Variants in SWAP70 observed in about 807,000 individuals in gnomAD.
SWAP70 encodes switching B cell complex subunit SWAP70, also known as switch-associated protein 70.
In SWAP70, 34 loss-of-function variants were observed where a neutral mutation model predicts 80.2. That is an observed-to-expected ratio of 0.42 (90% confidence interval 0.32 to 0.56). The LOEUF is 0.56. Among genes scored for constraint, SWAP70 ranks in the 20% least tolerant of loss-of-function variants. The probability of loss-of-function intolerance (pLI) is 0.09; values close to 1 mark genes in which losing one functional copy is unlikely to be tolerated. For synonymous variants in SWAP70, 239 were observed against 238.5 expected (o/e 1.00, Z -0.02); for missense variants, 578 against 690.7 (o/e 0.84, Z 1.83).
intron 8 of SWAP70, among the ~76,000 whole-genome samples, chr11:9,738,671 A>G (rs961736685): frequency 5.2e-5 from 7 of 135,210 alleles, no homozygotes; most frequent in Non-Finnish European, 7.8e-5. Context: ...GTTCAAGACC[A>G]GCCTGGGCAA....
At chr11:9,719,746 G>A (rs1348498962) in intron 3 of SWAP70, among the ~76,000 whole-genome samples, 1 of 152,134 alleles carries the variant, frequency 6.6e-6, no homozygotes, top group African/African-American at 2.4e-5. Flanking sequence ...GCCAAGTACA[G>A]TTTTTATTTA....
chr11:9,737,524 T>C lies in SWAP70; in HGVS notation c.1081-689T>C, dbSNP rs1196671755. On this transcript the variant is annotated intron_variant, in intron 7 of 11. Transcript: ENST00000318950. ...GCTCCTTATGCCACCCTTCTAGAAA[T>C]TGGTTCTGGTAAAAGTTATAATGAA... Among the ~76,000 whole-genome samples, 3 of 152,160 alleles carry C rather than the reference T, an allele frequency of 2.0e-5. No individual in the cohort carries two copies. The South Asian group carries it at 6.2e-4, about 32-fold the overall frequency.
intron 2 of SWAP70, among the ~76,000 whole-genome samples, chr11:9,702,413 T>G (rs1170364672): frequency 1.7e-5 from 1 of 59,884 alleles, no homozygotes; most frequent in Admixed American, 1.3e-4. Flanking sequence ...TTTGTTTTGT[T>G]TTTTTTTTTG....
At chr11:9,671,675 A>AAAATATATAAATATATTTCTATGTATAC (rs1850401206) in intron 1 of SWAP70, among the ~76,000 whole-genome samples, 1 of 10,366 alleles carries the variant, frequency 9.6e-5, no homozygotes, top group Non-Finnish European at 1.8e-4. Flanking sequence ...AATATATATA[A>AAAATATATAAATATATTTCTATGTATAC]ATAGAAATAT....
chr11:9,713,775 C>T lies in SWAP70; in HGVS notation c.414+136C>T, dbSNP rs1187481996. The T allele has an allele frequency of 5.9e-6, 6 of 1,021,410 alleles. No homozygotes were observed. The East Asian group carries it at 1.5e-4, about 25-fold the overall frequency. The allele number at this position is 1,021,410 out of a possible 1,614,324, so 63.3% of individuals were successfully genotyped here. A position where few individuals can be genotyped will look rare whatever the true frequency, so the allele number is the denominator to read the frequency against. ...TGTTTTTGGATCAGAGGCAAAGCAG[C>T]CTGAGTATAGAAAAGCTCCAAATAT... On this transcript the variant is annotated intron_variant, in intron 3 of 11. Coordinates refer to ENST00000318950, the MANE Select transcript of SWAP70 (RefSeq NM_015055.4).
intron 1 of SWAP70, among the ~76,000 whole-genome samples, chr11:9,672,607 C>T (rs532378890): frequency 7.1e-6 from 1 of 140,614 alleles, no homozygotes; most frequent in Non-Finnish European, 1.5e-5. Flanking sequence ...CTCCTGGGCT[C>T]AAGCAGTCCA....
chr11:9,712,780 C>A (rs1851015360), intron 2 of SWAP70, among the ~76,000 whole-genome samples: 2 of 149,892 alleles, frequency 1.3e-5, no homozygotes, highest in South Asian at 2.1e-4. Context: ...CTCTTGTTGC[C>A]CAGGCTGGAG....
At chr11:9,708,102 T>C (rs1346881435) in intron 2 of SWAP70, among the ~76,000 whole-genome samples, 2 of 152,196 alleles carry the variant, frequency 1.3e-5, no homozygotes, top group African/African-American at 4.8e-5. Context: ...GTAGTGGGTA[T>C]AGGTGTGCAA....
intron 1 of SWAP70, among the ~76,000 whole-genome samples, chr11:9,672,037 T>A (rs1590008233): frequency 8.2e-6 from 1 of 122,698 alleles, no homozygotes; most frequent in Non-Finnish European, 1.6e-5. Context: ...ATTTTAATAA[T>A]ATATTTTATA....
chr11:9,745,065 A>G (rs1851494858), intron 9 of SWAP70, among the ~76,000 whole-genome samples: 1 of 152,258 alleles, frequency 6.6e-6, no homozygotes, highest in African/African-American at 2.4e-5. Flanking sequence ...TACCCAGGGA[A>G]ATTTTTTTGA....
chr11:9,720,997 G>C (rs957139122), intron 3 of SWAP70, among the ~76,000 whole-genome samples: 1 of 152,024 alleles, frequency 6.6e-6, no homozygotes, highest in African/African-American at 2.4e-5. Flanking sequence ...TGTATTTTTA[G>C]TAGAGATGGA....
intron 2 of SWAP70, among the ~76,000 whole-genome samples, chr11:9,699,042 G>A (rs955511435): frequency 6.6e-6 from 1 of 152,046 alleles, no homozygotes; most frequent in African/African-American, 2.4e-5. Flanking sequence ...GATAATGAAA[G>A]GTAAGATTTA....
At chr11:9,671,675 A>C (rs369842612) in intron 1 of SWAP70, among the ~76,000 whole-genome samples, 1,006 of 10,256 alleles carry the variant, frequency 0.098, 37 homozygotes, top group Non-Finnish European at 0.14. Flanking sequence ...AATATATATA[A>C]ATAGAAATAT....
intron 3 of SWAP70, among the ~76,000 whole-genome samples, chr11:9,715,541 A>C (rs930742455): frequency 6.6e-6 from 1 of 152,182 alleles, no homozygotes; most frequent in Non-Finnish European, 1.5e-5. Context: ...AGACTGGGCA[A>C]TTTATATAAG....
intron 1 of SWAP70, among the ~76,000 whole-genome samples, chr11:9,670,478 A>T (rs1460386708): frequency 1.3e-5 from 2 of 151,886 alleles, no homozygotes; most frequent in Non-Finnish European, 2.9e-5. Flanking sequence ...GAGGTCCTTG[A>T]TGGGTGTATG....
rs1229263213 is a variant in SWAP70 at position 9,732,706 on chromosome 11, G to A, written c.1076G>A (p.Arg359Gln). The A allele has an allele frequency of 1.9e-6, 3 of 1,546,374 alleles. No individual in the cohort carries two copies. Among genetic ancestry groups the A allele is most frequent in the Non-Finnish European group, 1.7e-6 (2 of 1,145,902 alleles). The change falls in exon 7 of 12, where the codon CGG becomes CAG. Residue 359 changes from arginine to glutamine, a missense_variant. Arg to Gln is a conservative substitution (Grantham distance 43, BLOSUM62 1). Transcript: ENST00000318950. The part of the protein sequence containing the change: ...ESKQQELEAV[R>Q]KKLEEAASRA... The stretch of plus-strand genomic sequence containing the variant: ...AAGCAGCAGGAGCTGGAGGCCGTGC[G>A]GAAGGTGGGAATGGGCGCTGGGCTG...
chr11:9,686,376 T>TTATTTATTTTG, intron 1 of SWAP70, among the ~76,000 whole-genome samples: 1 of 152,048 alleles, frequency 6.6e-6, no homozygotes, highest in Non-Finnish European at 1.5e-5. Context: ...TATTTATTTT[T>TTATTTATTTTG]GTGAGACAGG....
In SWAP70 at chr11:9,671,953, TATA is replaced by T. The variant is rs1469694706; in HGVS notation, c.99+7679_99+7681del. 1.1e-4 allele frequency among the ~76,000 whole-genome samples: 12 copies of T among 112,212 alleles called. No homozygotes were observed. In the East Asian group the frequency reaches 3.1e-3, roughly 29 times the overall value. 73.6% of individuals were successfully genotyped at this position (112,212 alleles called of 152,430 possible). The stretch of plus-strand genomic sequence containing the variant: ...ATATTTTATAATATATTTTATAATA[TATA>T]ATATATTTTATATGTTATATATTTT... On this transcript the variant is annotated intron_variant, in intron 1 of 11. Transcript: ENST00000318950.
At chr11:9,714,807 ATTTTTTTTTT>A (rs71034737) in intron 3 of SWAP70, among the ~76,000 whole-genome samples, 15 of 127,712 alleles carry the variant, frequency 1.2e-4, no homozygotes, top group Non-Finnish European at 8.0e-5. Flanking sequence ...CCAAAAGGGG[ATTTTTTTTTT>A]TTTTTTTTTT....
Sources: gnomAD v4.1 joint callset for allele counts (sites outside exome capture counted in the v4.1 genomes callset) on GRCh38, gnomAD v4.1.1 for gene constraint, MANE v1.5 for transcripts, NCBI Gene and HGNC (gene_info 2026-07-23, HGNC 2026-07-21) for gene names.